Variants in MAP7D3 observed in about 807,000 individuals in gnomAD.
The protein encoded by MAP7D3 is MAP7 domain-containing protein 3.
MAP7D3 carries 45 observed loss-of-function variants against 62.2 expected under a neutral mutation model. That is an observed-to-expected ratio of 0.72 (90% CI 0.57 to 0.93). The LOEUF is 0.93. MAP7D3 is among the 40% of genes least tolerant of loss of function. MAP7D3 has a pLI of 0.00. For missense variants in MAP7D3, 711 were observed against 683.1 expected (o/e 1.04, Z -0.45); for synonymous variants, 288 against 248.8 (o/e 1.16, Z -1.48).
rs1361217678 is a variant in MAP7D3 at position 136,219,508 on chromosome X, A to C, written c.2566-13T>G. On this transcript the variant is annotated splice_polypyrimidine_tract_variant and intron_variant, in intron 17 of 18. Transcript: ENST00000316077. ...ATTTTGTTTGTGCCTGTCAGGAGAA[A>C]AATGTGACAAAGATAGTTCTGTGTG... 8.3e-7 allele frequency: 1 copy of C among 1,197,895 alleles called. No individual in the cohort carries two copies. The highest frequency in any genetic ancestry group is 1.1e-6 in the Non-Finnish European group (1 of 883,166).
chrX:136,226,899 C>T (rs1017931133), intron 12 of MAP7D3, among the ~76,000 whole-genome samples: 5 of 110,755 alleles, frequency 4.5e-5, no homozygotes, highest in East Asian at 2.9e-4. Flanking sequence ...GAAGCTGAGG[C>T]GGGCGGATCA....
At chrX:136,234,183 GA>G (rs1340419321) in intron 7 of MAP7D3, among the ~76,000 whole-genome samples, 1 of 100,326 alleles carries the variant, frequency 1.0e-5, no homozygotes, top group African/African-American at 3.7e-5. Context: ...AAGTGAAGGG[GA>G]AAAAAAAGAA....
chrX:136,216,390 GAGA>G (rs1319514372), downstream of MAP7D3, among the ~76,000 whole-genome samples: 4 of 82,687 alleles, frequency 4.8e-5, no homozygotes, highest in African/African-American at 1.3e-4. Context: ...AAGAAAAAAA[GAGA>G]AGAAGAAAGA....
upstream of MAP7D3, among the ~76,000 whole-genome samples, chrX:136,255,394 A>G (rs979845373): frequency 2.7e-5 from 3 of 112,347 alleles, no homozygotes; most frequent in African/African-American, 9.7e-5. Flanking sequence ...TCTCTCTAAC[A>G]TCATTGGTAG....
At chrX:136,242,499 T>C (rs763926261) in intron 4 of MAP7D3, among the ~76,000 whole-genome samples, 2 of 110,289 alleles carry the variant, frequency 1.8e-5, no homozygotes, top group Non-Finnish European at 3.8e-5. Flanking sequence ...TCTTTTGCTA[T>C]ATGTAGCCTA....
intron 15 of MAP7D3, among the ~76,000 whole-genome samples, chrX:136,221,258 C>T (rs1255449801): frequency 8.9e-6 from 1 of 112,186 alleles, no homozygotes; most frequent in Non-Finnish European, 1.9e-5. Flanking sequence ...GATAAGACTG[C>T]TCCAGATTTT....
chrX:136,227,150 TA>T, intron 12 of MAP7D3, 133 bp downstream of exon 12: 2 of 475,290 alleles, frequency 4.2e-6, no homozygotes, highest in Admixed American at 5.2e-5. Context: ...AATAAATAAA[TA>T]AAATAAAAAA....
rs866493282 is a variant in MAP7D3, at chrX:136,231,596, A to C, written c.1361T>G (p.Leu454Arg). Residue 454 changes from leucine to arginine, a missense_variant, in exon 8 of 19, where the codon CTT becomes CGT. Coordinates refer to ENST00000316077, the MANE Select transcript of MAP7D3 (RefSeq NM_024597.4). ...AMVKASPKTSLEASMEASPKA... is the reference protein window; with the variant it reads ...AMVKASPKTSREASMEASPKA... The stretch of plus-strand genomic sequence containing the variant: ...GGGAGATGCTTCCATGCTTGCTTCA[A>C]GGGATGTCTTGGGGGATGCTTTCAC... 6 of 1,207,387 alleles carry C rather than the reference A, an allele frequency of 5.0e-6. No homozygotes were observed. The African/African-American group carries it at 8.8e-5, about 18-fold the overall frequency.
upstream of MAP7D3, chrX:136,255,957 A>G (rs2074549459): frequency 6.7e-6 from 3 of 449,474 alleles, no homozygotes; most frequent in East Asian, 1.9e-4. Context: ...TTGAACTTAC[A>G]TATAATAAAC....
chrX:136,220,578 T>C (rs138658346), intron 16 of MAP7D3, among the ~76,000 whole-genome samples, 187 bp downstream of exon 16: 1,259 of 112,475 alleles, frequency 0.011, 8 homozygotes, highest in Non-Finnish European at 0.018. Context: ...CTTGTCTTTA[T>C]ACATGGGGAT....
In MAP7D3 at chrX:136,240,470, T is replaced by C. The variant is rs772074072; in HGVS notation, c.552A>G (p.Ala184=). Residue 184 remains alanine, a synonymous_variant, in exon 6 of 19, where the codon GCA becomes GCG. Transcript: ENST00000316077. ...TACCCTGTTCAAGTTTTTCAGTAGA[T>C]GCAGATCGTTTATTGGCTGAGAAAA... ...SESKTANKRS[A]STEKLEQGTS... is the part of the protein sequence containing the mutation. 1 of 1,177,036 alleles carries C rather than the reference T, an allele frequency of 8.5e-7. No homozygotes were observed. Among genetic ancestry groups the C allele is most frequent in the Non-Finnish European group, 1.2e-6 (1 of 864,080 alleles).
At chrX:136,223,880 A>T (rs1267114586) in intron 14 of MAP7D3, among the ~76,000 whole-genome samples, 1 of 108,282 alleles carries the variant, frequency 9.2e-6, no homozygotes, top group East Asian at 2.9e-4. Context: ...CTACAAAAAA[A>T]TAAATAAATA....
At chrX:136,254,701 G>A (rs1445372441), upstream of MAP7D3, among the ~76,000 whole-genome samples, 1 of 111,163 alleles carries the variant, frequency 9.0e-6, no homozygotes, top group Non-Finnish European at 1.9e-5. Context: ...CACTTATTCT[G>A]GGCCTGAGAT....
intron 7 of MAP7D3, among the ~76,000 whole-genome samples, chrX:136,233,519 C>T (rs944674805): frequency 5.6e-5 from 6 of 107,921 alleles, no homozygotes; most frequent in Admixed American, 2.0e-4. Flanking sequence ...AGTGATCCAC[C>T]TGCCTCAGCC....
At chrX:136,242,515 AGTGTCCCATGTCC>A (rs1163986144) in intron 4 of MAP7D3, among the ~76,000 whole-genome samples, 1 of 109,904 alleles carries the variant, frequency 9.1e-6, no homozygotes, top group Non-Finnish European at 1.9e-5. Flanking sequence ...GCCTACTTAC[AGTGTCCCATGTCC>A]CCTGTTCTGT....
chrX:136,244,800 AAT>A lies in MAP7D3; in HGVS notation c.254-7_254-6del. 2.6e-6 allele frequency: 3 copies of A among 1,170,086 alleles called. No individual in the cohort carries two copies. The highest frequency in any genetic ancestry group is 3.5e-6 in the Non-Finnish European group (3 of 869,109). On this transcript the variant is annotated splice_region_variant and splice_polypyrimidine_tract_variant and intron_variant, in intron 3 of 18. Coordinates refer to ENST00000316077, the MANE Select transcript of MAP7D3 (RefSeq NM_024597.4). ...GTAGTTGTGTTTCTTTATTGGCTGA[AAT>A]ATTCCAAATACATTTTCAAGGTGTA... is the stretch of plus-strand genomic sequence containing the variant.
Position 136,227,319 on chromosome X carries a change from A to G in MAP7D3, c.1999T>C (p.Trp667Arg). The G allele has an allele frequency of 2.5e-6, 3 of 1,207,561 alleles. No homozygotes were observed. Among genetic ancestry groups the G allele is most frequent in the Non-Finnish European group, 3.4e-6 (3 of 894,262 alleles). ...GCTTCCTGGTCTTCCTGATCCAGCC[A>G]TCCTTTCTTCTTTTTAGTCTCATTT... is the stretch of plus-strand genomic sequence containing the variant. The part of the protein sequence containing the change: ...QQNETKKKKG[W>R]LDQEDQEAPL... Residue 667 changes from tryptophan (W) to arginine (R), a missense_variant, in exon 12 of 19, where the codon TGG (tryptophan) becomes CGG (arginine). Coordinates refer to ENST00000316077, the MANE Select transcript of MAP7D3 (RefSeq NM_024597.4).
chrX:136,248,582 A>G (rs1164366827), intron 1 of MAP7D3, among the ~76,000 whole-genome samples: 3 of 112,564 alleles, frequency 2.7e-5, no homozygotes, highest in African/African-American at 9.7e-5. Flanking sequence ...AAATTAAAGT[A>G]AAAGTTATAT....
intron 13 of MAP7D3, 90 bp downstream of exon 13, chrX:136,225,819 A>G: frequency 1.7e-6 from 1 of 578,069 alleles, no homozygotes; most frequent in Non-Finnish European, 2.8e-6. Context: ...AGCATATATC[A>G]GATTTGTGAT....
Sources: gnomAD v4.1 joint callset for allele counts (sites outside exome capture counted in the v4.1 genomes callset) on GRCh38, gnomAD v4.1.1 for gene constraint, MANE v1.5 for transcripts, NCBI Gene and HGNC (gene_info 2026-07-23, HGNC 2026-07-21) for gene names.